AKAP13: variants seen among roughly 807,000 people sequenced by gnomAD.
The protein encoded by AKAP13 is A-kinase anchor protein 13.
Under a neutral mutation model 264.5 loss-of-function variants are expected in AKAP13, and 80 were observed. The ratio of observed to expected loss-of-function variants is 0.30; its 90% CI spans 0.25 to 0.36. AKAP13 has a LOEUF of 0.36. Among genes scored for constraint, AKAP13 ranks in the 10% least tolerant of loss-of-function variants. The pLI, the probability that AKAP13 is intolerant of heterozygous loss-of-function variation, is 1.00. For missense variants in AKAP13, 3,712 were observed against 3,435.2 expected, an observed-to-expected ratio of 1.08 and a Z score of -2.01; for synonymous variants, 1,380 against 1,250.2, an observed-to-expected ratio of 1.10 and a Z score of -2.19.
At chr15:85,562,698 T>TTC (rs1567126786) in intron 5 of AKAP13, among the ~76,000 whole-genome samples, 1 of 129,546 alleles carries the variant, frequency 7.7e-6, no homozygotes, top group Admixed American at 8.1e-5. Flanking sequence ...TTTCTTTTTT[T>TTC]TTTTTTTTTT....
rs1340627997 is a variant in AKAP13 at position 85,398,330 on chromosome 15, C to G, written c.-12+17532C>G. 2.0e-5 allele frequency among the ~76,000 whole-genome samples: 3 copies of G among 152,250 alleles called. No individual in the cohort carries two copies. The East Asian group carries it at 5.8e-4, about 29-fold the overall frequency. ...ATTACAACAGTAATGTACAGTTCCT[C>G]TAGAAATTTAGGAACTATAGTCCCC... On this transcript the variant is annotated intron_variant, in intron 1 of 36. Transcript: ENST00000394518.
chr15:85,729,855 A>C (rs1331591156), intron 29 of AKAP13, among the ~76,000 whole-genome samples: 1 of 152,074 alleles, frequency 6.6e-6, no homozygotes, highest in African/African-American at 2.4e-5. Context: ...AGAATCGCTT[A>C]ATCACTTGAA....
At chr15:85,652,170 CAGAT>C (rs1264948921) in intron 10 of AKAP13, among the ~76,000 whole-genome samples, 1 of 152,224 alleles carries the variant, frequency 6.6e-6, no homozygotes, top group Non-Finnish European at 1.5e-5. Context: ...ATATTCTAGA[CAGAT>C]CTCTTTGTTT....
chr15:85,704,485 A>G (rs1475967455), intron 17 of AKAP13, among the ~76,000 whole-genome samples: 1 of 152,202 alleles, frequency 6.6e-6, no homozygotes, highest in Non-Finnish European at 1.5e-5. Context: ...CAATAGATAG[A>G]TGATAGTTTC....
intron 7 of AKAP13, 25 bp from the exon 8 acceptor site, chr15:85,585,677 C>T (rs1392223447): frequency 6.2e-7 from 1 of 1,613,618 alleles, no homozygotes; most frequent in Admixed American, 1.7e-5. Context: ...TAAAAATGTA[C>T]TCTGTAACCC....
chr15:85,567,941 G>GGGGTGTGT (rs370286691), intron 5 of AKAP13, among the ~76,000 whole-genome samples: 4 of 141,930 alleles, frequency 2.8e-5, no homozygotes, highest in South Asian at 4.7e-4. Context: ...AGCCCAAAGA[G>GGGGTGTGT]GTGTGTGTGT....
At chr15:85,633,376 G>T (rs530622233) in intron 8 of AKAP13, among the ~76,000 whole-genome samples, 25 of 147,304 alleles carry the variant, frequency 1.7e-4, no homozygotes, top group Non-Finnish European at 2.9e-4. Context: ...GGCGGGGGGG[G>T]AGTAATTTTT....
At chr15:85,385,910 C>T (rs143168066) in intron 1 of AKAP13, among the ~76,000 whole-genome samples, 1,698 of 152,326 alleles carry the variant, frequency 0.011, 24 homozygotes, top group African/African-American at 0.039. Context: ...ACTGCAACGT[C>T]TGCCTCCTGG....
intron 5 of AKAP13, among the ~76,000 whole-genome samples, chr15:85,563,035 A>G (rs375078609): frequency 1.3e-5 from 2 of 151,816 alleles, no homozygotes; most frequent in Non-Finnish European, 2.9e-5. Flanking sequence ...TTAAACAGAT[A>G]AAAAACTCTG....
intron 3 of AKAP13, among the ~76,000 whole-genome samples, chr15:85,524,250 T>C (rs921772968): frequency 2.9e-5 from 4 of 139,240 alleles, no homozygotes; most frequent in Non-Finnish European, 6.0e-5. Context: ...CGATCTTGGC[T>C]CACTGCAACC....
chr15:85,579,316 G>A lies in AKAP13; in HGVS notation c.1248G>A (p.Ser416=), dbSNP rs144714992. 49 of 1,614,196 alleles carry A rather than the reference G, an allele frequency of 3.0e-5. No homozygotes were observed. In the African/African-American group the frequency reaches 5.3e-4, roughly 18 times the overall value. ...GAGTAAAGGGCACGGAAGGCCTTTC[G>A]TCCTGTGGAAACAGAAATGAAGAAA... is the stretch of plus-strand genomic sequence containing the variant. ...DCGVKGTEGL[S]SCGNRNEETG... Residue 416 remains serine (S), a synonymous_variant, in exon 7 of 37, where the codon TCG becomes TCA. Coordinates refer to ENST00000394518, the MANE Select transcript of AKAP13 (RefSeq NM_007200.5).
chr15:85,728,083 G>C (rs577346632), intron 29 of AKAP13, among the ~76,000 whole-genome samples: 122 of 152,306 alleles, frequency 8.0e-4, no homozygotes, highest in African/African-American at 2.8e-3. Flanking sequence ...AACGTGTGTA[G>C]TTAGTGGGTA....
In AKAP13 at chr15:85,543,782, G is replaced by T. The variant is rs144010880; in HGVS notation, c.489G>T (p.Pro163=). The stretch of plus-strand genomic sequence containing the variant: ...CTCCCCCATTTACAGATGCTGGCCC[G>T]CGAGAGACATTGATGCATTTTGCTG... ...GTDQSLHDAG[P]RETLMHFAVR... is the part of the protein sequence containing the mutation. Residue 163 remains proline, a synonymous_variant, in exon 5 of 37, where the codon CCG becomes CCT. Coordinates refer to ENST00000394518, the MANE Select transcript of AKAP13 (RefSeq NM_007200.5). The T allele has an allele frequency of 3.1e-6, 5 of 1,603,116 alleles. No homozygotes were observed. Among genetic ancestry groups the T allele is most frequent in the Non-Finnish European group, 3.4e-6 (4 of 1,174,010 alleles).
intron 29 of AKAP13, among the ~76,000 whole-genome samples, chr15:85,729,627 A>G (rs189854484): frequency 4.6e-4 from 70 of 152,220 alleles, no homozygotes; most frequent in African/African-American, 1.6e-3. Context: ...CTCAAGAGGA[A>G]AGTGGGTAAG....
intron 1 of AKAP13, among the ~76,000 whole-genome samples, chr15:85,413,367 G>T (rs1487402518): frequency 6.6e-6 from 1 of 152,204 alleles, no homozygotes; most frequent in East Asian, 1.9e-4. Flanking sequence ...AGGTTGGAGA[G>T]ATTTTTCAGG....
At chr15:85,539,652 A>G (rs117338232) in intron 4 of AKAP13, among the ~76,000 whole-genome samples, 9 of 152,198 alleles carry the variant, frequency 5.9e-5, no homozygotes, top group East Asian at 1.9e-4. Context: ...AGGCACATCA[A>G]CTTTTTTGCA....
chr15:85,580,925 A>C lies in AKAP13; in HGVS notation c.2857A>C (p.Thr953Pro). Residue 953 changes from threonine (T) to proline (P), a missense_variant, in exon 7 of 37, where the codon ACA (threonine) becomes CCA (proline). This residue lies in a region of AKAP13 where 2,759 missense variants were observed against 2,411.7 expected (regional missense o/e 1.14). Transcript: ENST00000394518. ...AGGAACTTTGCAGGAAGAGCAGAGA[A>C]CACCACCTCCTGGACAAGATACTCA... is the stretch of plus-strand genomic sequence containing the variant. The part of the protein sequence containing the change: ...SSGTLQEEQR[T>P]PPPGQDTQQF... 6.2e-7 allele frequency: 1 copy of C among 1,614,220 alleles called. No individual in the cohort carries two copies. The highest frequency in any genetic ancestry group is 1.1e-5 in the South Asian group (1 of 91,084).
At chr15:85,595,823 T>TA (rs1252583885) in intron 8 of AKAP13, among the ~76,000 whole-genome samples, 1 of 152,136 alleles carries the variant, frequency 6.6e-6, no homozygotes, top group Non-Finnish European at 1.5e-5. Flanking sequence ...TAATCCAGGT[T>TA]AAAAAAAGAA....
chr15:85,554,735 ATCC>A (rs2078080642), intron 5 of AKAP13, among the ~76,000 whole-genome samples: 1 of 152,148 alleles, frequency 6.6e-6, no homozygotes, highest in Non-Finnish European at 1.5e-5. Flanking sequence ...CATTCATTTA[ATCC>A]TCATGACAGA....
Sources: gnomAD v4.1 joint callset for allele counts (sites outside exome capture counted in the v4.1 genomes callset) on GRCh38, gnomAD v4.1.1 for gene constraint, gnomAD v4.1.1 regional missense constraint, MANE v1.5 for transcripts, NCBI Gene and HGNC (gene_info 2026-07-23, HGNC 2026-07-21) for gene names.